The following ADCY9 variants were observed in gnomAD, a reference collection of about 807,000 sequenced individuals.
ADCY9 encodes adenylate cyclase 9.
Under a neutral mutation model 101.5 loss-of-function variants are expected in ADCY9, and 50 were observed. The ratio of observed to expected loss-of-function variants is 0.49; its 90% confidence interval spans 0.39 to 0.62. ADCY9 has a LOEUF of 0.62. Ranked by LOEUF, ADCY9 falls within the 20% of genes least tolerant of loss-of-function variation. ADCY9 has a pLI of 0.00. For synonymous variants in ADCY9, 905 were observed against 769.3 expected (o/e 1.18, Z -2.92); for missense variants, 1,662 against 1,800.4 (o/e 0.92, Z 1.39).
At chr16:4,076,642 T>A (rs2239315) in intron 2 of ADCY9, among the ~76,000 whole-genome samples, 50,492 of 151,782 alleles carry the variant, frequency 0.33, 8,775 homozygotes, top group East Asian at 0.51. Flanking sequence ...CCAAACAGCA[T>A]CTGTGATCGC....
At chr16:4,046,442 G>C (rs1193798477) in intron 2 of ADCY9, among the ~76,000 whole-genome samples, 1 of 152,076 alleles carries the variant, frequency 6.6e-6, no homozygotes, top group Non-Finnish European at 1.5e-5. Context: ...CACGTTGCTT[G>C]TGTGTGTGTG....
intron 10 of ADCY9, among the ~76,000 whole-genome samples, chr16:3,971,690 T>A (rs568794500): frequency 1.3e-5 from 2 of 152,144 alleles, no homozygotes; most frequent in African/African-American, 4.8e-5. Context: ...GCTCGTTGGG[T>A]TAGGAGTTGA....
chr16:4,034,210 C>G (rs901311698), intron 2 of ADCY9, among the ~76,000 whole-genome samples: 1 of 152,150 alleles, frequency 6.6e-6, no homozygotes. Context: ...ATACAGAGCT[C>G]CAACTTAGCC....
At chr16:4,112,265 G>A (rs1282464626) in intron 2 of ADCY9, among the ~76,000 whole-genome samples, 1 of 152,238 alleles carries the variant, frequency 6.6e-6, no homozygotes, top group Non-Finnish European at 1.5e-5. Flanking sequence ...TGAACAGAAA[G>A]TGTAGTTTCT....
At chr16:3,958,920 C>T (rs2141663082), downstream of ADCY9, among the ~76,000 whole-genome samples, 1 of 151,996 alleles carries the variant, frequency 6.6e-6, no homozygotes, top group African/African-American at 2.4e-5. Context: ...GGTGATCCTC[C>T]CGCCTCGGCC....
Position 3,979,928 on chromosome 16 carries a change from T to C in ADCY9, c.2520-653A>G, listed in dbSNP as rs78433395. On this transcript the variant is annotated intron_variant, in intron 7 of 10. Transcript: ENST00000294016. ...TGGTGCTGACACACCCTGGATTTTCTTGGAGCGCAGCTCCTGTGGAAACTG... is the reference window on the plus strand; with the variant it reads ...TGGTGCTGACACACCCTGGATTTTCCTGGAGCGCAGCTCCTGTGGAAACTG... Among the ~76,000 whole-genome samples the C allele has an allele frequency of 7.2e-3, 1,102 of 152,222 alleles. 10 individuals are homozygous for C. The highest frequency in any genetic ancestry group is 0.026 in the African/African-American group (1,072 of 41,570).
At chr16:4,036,995 T>C (rs1036253684) in intron 2 of ADCY9, among the ~76,000 whole-genome samples, 3 of 152,086 alleles carry the variant, frequency 2.0e-5, no homozygotes, top group African/African-American at 2.4e-5. Flanking sequence ...ACATGCAATA[T>C]GTCTTTTGTG....
At chr16:4,003,846 A>G (rs1285495618) in intron 3 of ADCY9, among the ~76,000 whole-genome samples, 1 of 151,952 alleles carries the variant, frequency 6.6e-6, no homozygotes, top group East Asian at 1.9e-4. Flanking sequence ...CCTCATGTCT[A>G]ATGCTTACTC....
Position 4,056,792 on chromosome 16 carries a change from CG to C in ADCY9, c.1694-49235del, listed in dbSNP as rs1251709687. On this transcript the variant is annotated intron_variant, in intron 2 of 10. Coordinates refer to ENST00000294016, the MANE Select transcript of ADCY9 (RefSeq NM_001116.4). ...GTGCTGTTGTTATAATTCGGCATGA[CG>C]ATGGAGGTGCAGAGGTTTACCTGTG... 3.9e-5 allele frequency among the ~76,000 whole-genome samples: 6 copies of C among 152,108 alleles called. No individual in the cohort carries two copies. The East Asian group carries it at 1.2e-3, about 29-fold the overall frequency.
chr16:4,115,821 C>A lies in ADCY9; in HGVS notation c.-175G>T, dbSNP rs961934349. 2 of 402,486 alleles carry A rather than the reference C, an allele frequency of 5.0e-6. No homozygotes were observed. The highest frequency in any genetic ancestry group is 1.2e-4 in the South Asian group (1 of 8,456). 24.9% of individuals were successfully genotyped at this position (402,486 alleles called of 1,614,324 possible). A position where few individuals can be genotyped will look rare whatever the true frequency, so the allele number is the denominator to read the frequency against. On this transcript the variant is annotated 5_prime_UTR_variant, in exon 1 of 11. Coordinates refer to ENST00000294016, the MANE Select transcript of ADCY9 (RefSeq NM_001116.4). This position sits in a 1 kb window ranked among gnomAD's most constrained non-coding sequence, Gnocchi z 6.2. ...GCTTCTCCTCCTCGCGCGCTCGCCT[C>A]CTCCAGCTGCGGCTCCGGAGGGAAG...
chr16:4,017,838 C>T (rs1276484473), intron 2 of ADCY9, among the ~76,000 whole-genome samples: 1 of 152,170 alleles, frequency 6.6e-6, no homozygotes, highest in Non-Finnish European at 1.5e-5. Flanking sequence ...CAATTTGCAG[C>T]TCTCACTATT....
intron 2 of ADCY9, among the ~76,000 whole-genome samples, chr16:4,100,577 C>T (rs1004614819): frequency 6.6e-6 from 1 of 151,856 alleles, no homozygotes; most frequent in Admixed American, 6.6e-5. Context: ...GTGATCCGCC[C>T]GCCTCAGCCT....
At chr16:4,106,365 T>A (rs925100100) in intron 2 of ADCY9, among the ~76,000 whole-genome samples, 1 of 151,556 alleles carries the variant, frequency 6.6e-6, no homozygotes, top group Non-Finnish European at 1.5e-5. Flanking sequence ...CGGCCCCACA[T>A]CCACCCTCTG....
intron 3 of ADCY9, among the ~76,000 whole-genome samples, chr16:3,999,686 A>G (rs1258170616): frequency 6.6e-6 from 1 of 152,148 alleles, no homozygotes; most frequent in Non-Finnish European, 1.5e-5. Context: ...GTAACCTGAG[A>G]TTCCCTGGAG....
chr16:4,083,997 A>G (rs772809259), intron 2 of ADCY9, among the ~76,000 whole-genome samples: 6 of 152,190 alleles, frequency 3.9e-5, no homozygotes, highest in African/African-American at 7.2e-5. Flanking sequence ...TTACATCTCA[A>G]TAAAGCTTTC....
chr16:3,984,520 G>A (rs540054845), intron 6 of ADCY9, among the ~76,000 whole-genome samples: 1 of 152,290 alleles, frequency 6.6e-6, no homozygotes, highest in Non-Finnish European at 1.5e-5. Flanking sequence ...CCACAGGCAG[G>A]AACTACCACC....
intron 2 of ADCY9, among the ~76,000 whole-genome samples, chr16:4,085,284 C>A (rs2056930579): frequency 2.0e-5 from 3 of 152,072 alleles, no homozygotes; most frequent in Admixed American, 6.6e-5. Context: ...ATCACTTAAG[C>A]CTGGGACGCA....
At chr16:3,983,487 G>A in intron 6 of ADCY9, 47 bp from the exon 7 acceptor site, 2 of 1,496,304 alleles carry the variant, frequency 1.3e-6, no homozygotes, top group South Asian at 1.2e-5. Context: ...GCCATGGGCG[G>A]CCAGGAGCGC....
At chr16:4,084,061 G>A (rs972297551) in intron 2 of ADCY9, among the ~76,000 whole-genome samples, 5 of 151,914 alleles carry the variant, frequency 3.3e-5, no homozygotes, top group Non-Finnish European at 7.4e-5. Flanking sequence ...CTGTCACCCA[G>A]GCTGGGTGAC....
Sources: allele counts gnomAD v4.1 joint callset (sites outside exome capture counted in the v4.1 genomes callset), GRCh38; gene constraint gnomAD v4.1.1; non-coding constraint Gnocchi (gnomAD v3.1); transcripts MANE v1.5; gene names NCBI Gene and HGNC (gene_info 2026-07-23, HGNC 2026-07-21).